ANKRD11: variants seen among roughly 807,000 people sequenced by gnomAD.
The protein encoded by ANKRD11 is ankyrin repeat domain 11, also known as ankyrin repeat domain-containing protein 11.
ANKRD11 carries 17 observed loss-of-function variants against 195.7 expected under a neutral mutation model. The ratio of observed to expected loss-of-function variants is 0.09; its 90% CI spans 0.06 to 0.13. ANKRD11 has a LOEUF of 0.13. ANKRD11 is among the 10% of genes least tolerant of loss of function. The probability of loss-of-function intolerance (pLI) is 1.00; values close to 1 mark genes in which losing one functional copy is unlikely to be tolerated. For synonymous variants in ANKRD11, 1,953 were observed against 1,528.1 expected (o/e 1.28, Z -6.49); for missense variants, 3,735 against 3,566.1 (o/e 1.05, Z -1.21).
intron 1 of ANKRD11, among the ~76,000 whole-genome samples, chr16:89,424,522 C>T (rs150889967): frequency 5.3e-5 from 8 of 152,054 alleles, no homozygotes; most frequent in African/African-American, 1.9e-4. Flanking sequence ...TGGGTGTGGA[C>T]GGGTGAATGT....
chr16:89,344,152 A>C (rs1444452273), intron 2 of ANKRD11, among the ~76,000 whole-genome samples: 1 of 152,090 alleles, frequency 6.6e-6, no homozygotes, highest in African/African-American at 2.4e-5. Context: ...CTCTGGGAGG[A>C]GCACACACGG....
rs572339165 is a variant in ANKRD11, at chr16:89,441,635, T to C, written c.-144-23267A>G. ...ACAAAAAATTAGCTGGGTGTGGTGG[T>C]GGGCACCTGCAGTCCCAGCTACTCG... On this transcript the variant is annotated intron_variant, in intron 1 of 12. Transcript: ENST00000301030. Among the ~76,000 whole-genome samples the C allele has an allele frequency of 2.5e-4, 38 of 151,584 alleles. 1 individual carries two copies. The South Asian group carries it at 2.9e-3, about 12-fold the overall frequency.
intron 1 of ANKRD11, among the ~76,000 whole-genome samples, chr16:89,473,485 A>G (rs1471173263): frequency 6.6e-6 from 1 of 152,320 alleles, no homozygotes; most frequent in East Asian, 1.9e-4. Context: ...AATGCAAGGC[A>G]TAGGGCAAAC....
chr16:89,359,888 T>G (rs543822347), intron 2 of ANKRD11, among the ~76,000 whole-genome samples: 1 of 152,062 alleles, frequency 6.6e-6, no homozygotes, highest in Non-Finnish European at 1.5e-5. Flanking sequence ...CAGCATCACA[T>G]AGTTTATATG....
chr16:89,289,593 A>G (rs1219498336), intron 6 of ANKRD11, among the ~76,000 whole-genome samples: 1 of 152,200 alleles, frequency 6.6e-6, no homozygotes, highest in Non-Finnish European at 1.5e-5. Context: ...GAGGGAGTCC[A>G]GTCCAGGGTG....
intron 2 of ANKRD11, among the ~76,000 whole-genome samples, chr16:89,356,186 GTTTATAACATT>G (rs2039464663): frequency 6.6e-6 from 1 of 152,280 alleles, no homozygotes; most frequent in Admixed American, 6.5e-5. Context: ...GATCATCTTT[GTTTATAACATT>G]TATAGGTTAC....
intron 2 of ANKRD11, among the ~76,000 whole-genome samples, chr16:89,404,718 A>C (rs913103164): frequency 2.6e-5 from 4 of 152,256 alleles, no homozygotes; most frequent in African/African-American, 9.6e-5. Context: ...CACAGAGGTG[A>C]AGCCTGGAGA....
At chr16:89,288,164 G>A (rs1161152381) in intron 7 of ANKRD11, 4 of 602,902 alleles carry the variant, frequency 6.6e-6, no homozygotes, top group Non-Finnish European at 1.2e-5. Flanking sequence ...ACGAGGGTGG[G>A]TCTGCCTTGC....
rs1172330880 is a variant in ANKRD11, at chr16:89,285,265, A to G, written c.1277T>C (p.Leu426Pro). 1 of 1,613,698 alleles carries G rather than the reference A, an allele frequency of 6.2e-7. No individual in the cohort carries two copies. Among genetic ancestry groups the G allele is most frequent in the Non-Finnish European group, 8.5e-7 (1 of 1,180,002 alleles). Residue 426 changes from leucine to proline, a missense_variant, in exon 9 of 13, where the codon CTG (leucine) becomes CCG (proline). Coordinates refer to ENST00000301030, the MANE Select transcript of ANKRD11 (RefSeq NM_013275.6). This position sits in a 1 kb window ranked among gnomAD's most constrained non-coding sequence, Gnocchi z 5.6. ...CAATATCGTATGTGCCGAGAGTCTCAGCTTCTCTCCTGTCCCCACGGTGAC... is the reference window on the plus strand; with the variant it reads ...CAATATCGTATGTGCCGAGAGTCTCGGCTTCTCTCCTGTCCCCACGGTGAC... ...ASVTVGTGEKLRLSAHTILPG... is the reference protein window; with the variant it reads ...ASVTVGTGEKPRLSAHTILPG...
intron 2 of ANKRD11, among the ~76,000 whole-genome samples, chr16:89,405,487 G>C (rs1002824012): frequency 6.8e-6 from 1 of 148,132 alleles, no homozygotes; most frequent in African/African-American, 2.5e-5. Flanking sequence ...ACCACACCTG[G>C]CTCATTTTTT....
intron 1 of ANKRD11, among the ~76,000 whole-genome samples, chr16:89,434,000 T>G (rs2152276648): frequency 6.6e-6 from 1 of 152,294 alleles, no homozygotes; most frequent in South Asian, 2.1e-4. Flanking sequence ...AGTTTCCAGC[T>G]CCCAGCTGGT....
intron 2 of ANKRD11, among the ~76,000 whole-genome samples, chr16:89,366,632 G>C (rs1320065743): frequency 2.0e-5 from 3 of 152,198 alleles, no homozygotes; most frequent in South Asian, 4.1e-4. Flanking sequence ...ATCTTGCCTT[G>C]GCTAACCCGA....
intron 9 of ANKRD11, chr16:89,278,098 C>T (rs548961609): frequency 1.3e-4 from 29 of 225,406 alleles, no homozygotes; most frequent in Admixed American, 5.7e-4. Flanking sequence ...ACACAGTCCG[C>T]TAGGCACAGT....
chr16:89,317,932 A>C (rs1378686854), intron 2 of ANKRD11, among the ~76,000 whole-genome samples: 1 of 152,142 alleles, frequency 6.6e-6, no homozygotes, highest in Non-Finnish European at 1.5e-5. Context: ...CCCTGCCTGA[A>C]ACCAGCGCAG....
chr16:89,371,179 T>C (rs998835256), intron 2 of ANKRD11, among the ~76,000 whole-genome samples: 1 of 151,980 alleles, frequency 6.6e-6, no homozygotes. Flanking sequence ...ACCAAGGAAG[T>C]GCCAGAAAAA....
intron 1 of ANKRD11, among the ~76,000 whole-genome samples, chr16:89,481,180 T>C (rs1347598229): frequency 6.6e-6 from 1 of 152,196 alleles, no homozygotes; most frequent in African/African-American, 2.4e-5. Flanking sequence ...TTTTAATGAA[T>C]ACCAGTTAAC....
intron 1 of ANKRD11, among the ~76,000 whole-genome samples, chr16:89,489,555 C>G (rs1250959479): frequency 6.6e-6 from 1 of 151,664 alleles, no homozygotes. Flanking sequence ...GCCGCCTGCT[C>G]TCATTTCAAA....
chr16:89,398,252 CACT>C (rs1567749510), intron 2 of ANKRD11, among the ~76,000 whole-genome samples: 10 of 150,430 alleles, frequency 6.6e-5, no homozygotes, highest in African/African-American at 2.0e-4. Flanking sequence ...ACATGAGGGA[CACT>C]GTGAAACAGG....
At chr16:89,435,759 G>C (rs1363719959) in intron 1 of ANKRD11, among the ~76,000 whole-genome samples, 7 of 148,046 alleles carry the variant, frequency 4.7e-5, no homozygotes, top group South Asian at 2.1e-4. Flanking sequence ...TCCACTCAAG[G>C]AACAGACCAA....
Sources: allele counts gnomAD v4.1 joint callset (sites outside exome capture counted in the v4.1 genomes callset), GRCh38; gene constraint gnomAD v4.1.1; non-coding constraint Gnocchi (gnomAD v3.1); transcripts MANE v1.5; gene names NCBI Gene and HGNC (gene_info 2026-07-23, HGNC 2026-07-21).